The following FAM114A1 variants were observed in gnomAD, a reference collection of about 807,000 sequenced individuals.
FAM114A1 encodes protein NOXP20.
In FAM114A1, 62 loss-of-function variants were observed where a neutral mutation model predicts 64.3. That is an observed-to-expected ratio of 0.96 (90% confidence interval 0.79 to 1.19). The LOEUF is 1.19. Ranked by LOEUF, FAM114A1 falls within the 50% of genes most tolerant of loss-of-function variation. The pLI is 0.00. For synonymous variants in FAM114A1, 254 were observed against 251.1 expected (o/e 1.01, Z -0.11); for missense variants, 645 against 676.3 (o/e 0.95, Z 0.51).
At chr4:38,875,655 T>C (rs1308152554) in intron 2 of FAM114A1, among the ~76,000 whole-genome samples, 1 of 152,200 alleles carries the variant, frequency 6.6e-6, no homozygotes, top group Non-Finnish European at 1.5e-5. Flanking sequence ...TATTTCGTTC[T>C]CTTGTCTGAT....
At chr4:38,876,419 C>T (rs1281680509) in intron 2 of FAM114A1, among the ~76,000 whole-genome samples, 1 of 152,120 alleles carries the variant, frequency 6.6e-6, no homozygotes, top group Non-Finnish European at 1.5e-5. Flanking sequence ...GATTCACCCA[C>T]CTCAGCCTAC....
chr4:38,872,025 C>T (rs1714122151), intron 2 of FAM114A1, among the ~76,000 whole-genome samples: 1 of 152,206 alleles, frequency 6.6e-6, no homozygotes, highest in East Asian at 1.9e-4. Flanking sequence ...GCAGAGAAGG[C>T]ACCTGTACGT....
At chr4:38,923,018 A>C in intron 9 of FAM114A1, 125 bp downstream of exon 9, 1 of 1,092,684 alleles carries the variant, frequency 9.2e-7, no homozygotes, top group South Asian at 1.7e-5. Flanking sequence ...TCCAAAAGAC[A>C]CTGTGCATCT....
intron 2 of FAM114A1, among the ~76,000 whole-genome samples, chr4:38,869,713 G>GTTTT (rs1264994656): frequency 6.6e-6 from 1 of 150,432 alleles, no homozygotes; most frequent in Admixed American, 6.6e-5. Flanking sequence ...GACTGGCACT[G>GTTTT]TTTTTGTTTT....
At chr4:38,903,078 G>A (rs906792037) in intron 4 of FAM114A1, among the ~76,000 whole-genome samples, 1 of 151,702 alleles carries the variant, frequency 6.6e-6, no homozygotes, top group Non-Finnish European at 1.5e-5. Flanking sequence ...GCAGTAAAAG[G>A]GTACTTTCCC....
intron 8 of FAM114A1, among the ~76,000 whole-genome samples, chr4:38,916,405 A>G (rs755321837): frequency 2.0e-5 from 3 of 152,212 alleles, no homozygotes; most frequent in Non-Finnish European, 4.4e-5. Flanking sequence ...AAATGATTCA[A>G]AGGAAAAGCC....
Position 38,919,554 on chromosome 4 carries a change from A to G in FAM114A1, c.946-3216A>G, listed in dbSNP as rs531013519. Among the ~76,000 whole-genome samples, 11 of 152,348 alleles carry G rather than the reference A, an allele frequency of 7.2e-5. No homozygotes were observed. The East Asian group carries it at 1.9e-3, about 27-fold the overall frequency. On this transcript the variant is annotated intron_variant, in intron 8 of 14. Coordinates refer to ENST00000358869, the MANE Select transcript of FAM114A1 (RefSeq NM_138389.4). ...CCTTTGGTGACCTGGAGAGTATTCTAGAATGGAGATGTGGGCTCTGGTGGG... is the reference window on the plus strand; with the variant it reads ...CCTTTGGTGACCTGGAGAGTATTCTGGAATGGAGATGTGGGCTCTGGTGGG...
At chr4:38,901,534 C>T (rs974109314) in intron 4 of FAM114A1, among the ~76,000 whole-genome samples, 3 of 152,156 alleles carry the variant, frequency 2.0e-5, no homozygotes, top group South Asian at 4.1e-4. Context: ...TCAGGTGATC[C>T]GCCTACCTCG....
At chr4:38,896,056 G>T (rs931861938) in intron 4 of FAM114A1, among the ~76,000 whole-genome samples, 1 of 151,988 alleles carries the variant, frequency 6.6e-6, no homozygotes, top group African/African-American at 2.4e-5. Context: ...TATGGTTCTG[G>T]CTACATGCTG....
At chr4:38,912,145 G>C (rs963544018) in intron 7 of FAM114A1, among the ~76,000 whole-genome samples, 2 of 151,924 alleles carry the variant, frequency 1.3e-5, no homozygotes, top group South Asian at 4.2e-4. Flanking sequence ...ACAGGCATGA[G>C]CCACCGCACC....
chr4:38,880,983 G>C (rs1467274967), intron 3 of FAM114A1, among the ~76,000 whole-genome samples: 1 of 152,074 alleles, frequency 6.6e-6, no homozygotes, highest in South Asian at 2.1e-4. Context: ...TCAGGAGTTC[G>C]AGACCAGCCT....
At chr4:38,900,477 A>G (rs1717410562) in intron 4 of FAM114A1, among the ~76,000 whole-genome samples, 1 of 152,242 alleles carries the variant, frequency 6.6e-6, no homozygotes, top group African/African-American at 2.4e-5. Context: ...CACAATAGCT[A>G]AAACACAGAA....
intron 14 of FAM114A1, among the ~76,000 whole-genome samples, chr4:38,943,070 G>A (rs150971406): frequency 1.2e-3 from 179 of 152,078 alleles, no homozygotes; most frequent in African/African-American, 3.8e-3. Flanking sequence ...GTGCACGCCC[G>A]TAGTCCCAGC....
chr4:38,873,079 C>T (rs1015904875), intron 2 of FAM114A1, among the ~76,000 whole-genome samples: 3 of 152,360 alleles, frequency 2.0e-5, no homozygotes, highest in African/African-American at 7.2e-5. Flanking sequence ...CTTCTCTATA[C>T]AGTGGGTTTC....
At chr4:38,939,568 G>T (rs558671374) in intron 13 of FAM114A1, among the ~76,000 whole-genome samples, 1 of 152,100 alleles carries the variant, frequency 6.6e-6, no homozygotes, top group Non-Finnish European at 1.5e-5. Flanking sequence ...AAAATGACTG[G>T]GTTTTTAAAG....
At chr4:38,935,118 T>G (rs1004557432) in intron 12 of FAM114A1, among the ~76,000 whole-genome samples, 1 of 152,170 alleles carries the variant, frequency 6.6e-6, no homozygotes, top group Non-Finnish European at 1.5e-5. Context: ...GGTTTCACTA[T>G]GTTGGTCAGG....
At chr4:38,890,006 C>T (rs1237212680) in intron 3 of FAM114A1, among the ~76,000 whole-genome samples, 1 of 151,574 alleles carries the variant, frequency 6.6e-6, no homozygotes, top group African/African-American at 2.4e-5. Flanking sequence ...AAAGAGTGGG[C>T]ACTCGCTGTA....
chr4:38,937,130 A>C (rs910752375), intron 13 of FAM114A1, among the ~76,000 whole-genome samples: 1 of 152,232 alleles, frequency 6.6e-6, no homozygotes, highest in South Asian at 2.1e-4. Context: ...TCCATGAGAA[A>C]CAGCAGGTTT....
chr4:38,878,153 T>G lies in FAM114A1; in HGVS notation c.75T>G (p.Ser25=). 1 of 1,614,226 alleles carries G rather than the reference T, an allele frequency of 6.2e-7. No individual in the cohort carries two copies. Among genetic ancestry groups the G allele is most frequent in the Non-Finnish European group, 8.5e-7 (1 of 1,180,046 alleles). The change falls in exon 3 of 15, where the codon TCT becomes TCG. Residue 25 remains serine (S), a synonymous_variant. Coordinates refer to ENST00000358869, the MANE Select transcript of FAM114A1 (RefSeq NM_138389.4). The stretch of plus-strand genomic sequence containing the variant: ...TTACTGAGATGCCTAATAGTGATTC[T>G]TTACCTGAGGATGCAGAAGTGCATT... ...AEVTEMPNSD[S]LPEDAEVHCD... is the part of the protein sequence containing the mutation.
Sources: allele counts gnomAD v4.1 joint callset (sites outside exome capture counted in the v4.1 genomes callset), GRCh38; gene constraint gnomAD v4.1.1; transcripts MANE v1.5; gene names NCBI Gene and HGNC (gene_info 2026-07-23, HGNC 2026-07-21).